FHOD3: variants seen among roughly 807,000 people sequenced by gnomAD.
FHOD3 encodes formin homology 2 domain containing 3.
FHOD3 carries 90 observed loss-of-function variants against 173.0 expected under a neutral mutation model. That is an observed-to-expected ratio of 0.52 (90% confidence interval 0.44 to 0.62). The LOEUF is 0.62. Among genes scored for constraint, FHOD3 ranks in the 20% least tolerant of loss-of-function variants. The pLI is 0.00. For missense variants in FHOD3, 1,945 were observed against 2,034.7 expected (o/e 0.96, Z 0.85); for synonymous variants, 828 against 823.0 (o/e 1.01, Z -0.10).
At chr18:36,501,139 T>C (rs987475976) in intron 3 of FHOD3, among the ~76,000 whole-genome samples, 1 of 152,182 alleles carries the variant, frequency 6.6e-6, no homozygotes, top group Non-Finnish European at 1.5e-5. Flanking sequence ...ATATTTGAAA[T>C]GTGACTGCTC....
intron 5 of FHOD3, among the ~76,000 whole-genome samples, chr18:36,550,724 C>T (rs567550814): frequency 6.6e-6 from 1 of 151,590 alleles, no homozygotes; most frequent in Non-Finnish European, 1.5e-5. Flanking sequence ...TTTCAAATTG[C>T]TCATTTGTAT....
At chr18:36,478,564 C>T (rs1012310170) in intron 3 of FHOD3, among the ~76,000 whole-genome samples, 2 of 152,116 alleles carry the variant, frequency 1.3e-5, no homozygotes, top group East Asian at 1.9e-4. Flanking sequence ...CCAATGTAGC[C>T]TCTTCTTAAA....
chr18:36,739,654 G>A (rs2041810164), intron 20 of FHOD3, among the ~76,000 whole-genome samples: 2 of 152,118 alleles, frequency 1.3e-5, no homozygotes, highest in South Asian at 2.1e-4. Context: ...GCTTTCATCA[G>A]CATTTTCTAG....
At chr18:36,557,324 A>T (rs952245477) in intron 5 of FHOD3, among the ~76,000 whole-genome samples, 8 of 151,284 alleles carry the variant, frequency 5.3e-5, no homozygotes, top group East Asian at 1.9e-4. Context: ...TTTATTTTAA[A>T]TTTTTTTTTA....
rs59233060 is a variant in FHOD3 at position 36,560,207 on chromosome 18, G to A, written c.512-16244G>A. Among the ~76,000 whole-genome samples, 771 of 152,280 alleles carry A rather than the reference G, an allele frequency of 5.1e-3. 10 individuals carry two copies. The highest frequency in any genetic ancestry group is 0.018 in the African/African-American group (743 of 41,548). On this transcript the variant is annotated intron_variant, in intron 5 of 28. Coordinates refer to ENST00000590592, the MANE Select transcript of FHOD3 (RefSeq NM_001281740.3). Reference sequence around the variant, plus strand: ...AAGCTGTTCACTGCTGCTCCTTTCTGTCTGAGGGTAGTTAGTCTGGGCCTT... The same window carrying A: ...AAGCTGTTCACTGCTGCTCCTTTCTATCTGAGGGTAGTTAGTCTGGGCCTT...
At chr18:36,504,072 C>G (rs1258600207) in intron 4 of FHOD3, among the ~76,000 whole-genome samples, 3 of 152,160 alleles carry the variant, frequency 2.0e-5, no homozygotes, top group Non-Finnish European at 4.4e-5. Context: ...AGGCATCCAC[C>G]ACCACGCTTG....
At chr18:36,614,499 C>T (rs1057196533) in intron 9 of FHOD3, among the ~76,000 whole-genome samples, 1 of 152,180 alleles carries the variant, frequency 6.6e-6, no homozygotes, top group Non-Finnish European at 1.5e-5. Flanking sequence ...GTTTTCAGTT[C>T]TCTTGGGTTT....
At chr18:36,680,796 GT>G (rs887964879) in intron 14 of FHOD3, among the ~76,000 whole-genome samples, 2 of 152,160 alleles carry the variant, frequency 1.3e-5, no homozygotes, top group African/African-American at 2.4e-5. Flanking sequence ...CCCATTGCAA[GT>G]TTTTTTGTCC....
chr18:36,621,850 A>G (rs1401628105), intron 9 of FHOD3, among the ~76,000 whole-genome samples: 1 of 152,226 alleles, frequency 6.6e-6, no homozygotes, highest in Non-Finnish European at 1.5e-5. Flanking sequence ...ATTCATCAAA[A>G]AGAATTGAAA....
chr18:36,665,085 C>T (rs576346254), intron 14 of FHOD3, among the ~76,000 whole-genome samples: 1 of 152,098 alleles, frequency 6.6e-6, no homozygotes, highest in African/African-American at 2.4e-5. Flanking sequence ...AGAGTGAGAC[C>T]CTGTCTCAAA....
intron 17 of FHOD3, among the ~76,000 whole-genome samples, chr18:36,708,745 G>C (rs1039932865): frequency 4.6e-5 from 7 of 152,194 alleles, no homozygotes; most frequent in Admixed American, 4.6e-4. Flanking sequence ...TGCATTCCCT[G>C]TCAAGCAGCA....
chr18:36,449,559 C>G (rs1042350475), intron 3 of FHOD3, among the ~76,000 whole-genome samples: 3 of 152,172 alleles, frequency 2.0e-5, no homozygotes, highest in African/African-American at 4.8e-5. Flanking sequence ...CACTTTTACT[C>G]ACTTCTTCCC....
intron 5 of FHOD3, among the ~76,000 whole-genome samples, chr18:36,545,902 C>T (rs1340506559): frequency 6.6e-6 from 1 of 152,182 alleles, no homozygotes; most frequent in Non-Finnish European, 1.5e-5. Context: ...CTTATACCCC[C>T]ACAACTATCA....
chr18:36,696,125 C>A (rs558055296), intron 17 of FHOD3, among the ~76,000 whole-genome samples: 1 of 152,238 alleles, frequency 6.6e-6, no homozygotes, highest in South Asian at 2.1e-4. Flanking sequence ...ATGTTATTAT[C>A]CATGTTTTAC....
At chr18:36,497,950 C>T (rs11081950) in intron 3 of FHOD3, among the ~76,000 whole-genome samples, 7,959 of 152,042 alleles carry the variant, frequency 0.052, 435 homozygotes, top group East Asian at 0.28. Context: ...AGCCATATTC[C>T]GGGCCATAAA....
At chr18:36,498,807 A>C (rs2145960456) in intron 3 of FHOD3, among the ~76,000 whole-genome samples, 1 of 152,328 alleles carries the variant, frequency 6.6e-6, no homozygotes, top group East Asian at 1.9e-4. Flanking sequence ...ATTTTCAACA[A>C]AATATTAGCA....
At chr18:36,438,571 A>G (rs571766752) in intron 3 of FHOD3, among the ~76,000 whole-genome samples, 49 of 152,234 alleles carry the variant, frequency 3.2e-4, no homozygotes, top group Admixed American at 1.1e-3. Context: ...CAAACTCAGC[A>G]TGACCACTGT....
rs57694311 is a variant in FHOD3 at position 36,743,308 on chromosome 18, CAAAAAAAA to C, written c.3879+473_3879+480del. Among the ~76,000 whole-genome samples the C allele has an allele frequency of 2.9e-4, 19 of 65,896 alleles. No individual in the cohort carries two copies. The East Asian group carries it at 5.1e-3, about 18-fold the overall frequency. The allele number at this position is 65,896 out of a possible 152,430, so 43.2% of individuals were successfully genotyped here. ...TGGGTGACAGAGCAAGACTCTGTCTCAAAAAAAAAAAAAAAAAAAAAAAAAAAAGATAT... is the reference window on the plus strand; with the variant it reads ...TGGGTGACAGAGCAAGACTCTGTCTCAAAAAAAAAAAAAAAAAAAAGATAT... On this transcript the variant is annotated intron_variant, in intron 22 of 28. Transcript: ENST00000590592.
chr18:36,528,748 GA>G lies in FHOD3; in HGVS notation c.511+16207del, dbSNP rs1352260215. On this transcript the variant is annotated intron_variant, in intron 5 of 28. Coordinates refer to ENST00000590592, the MANE Select transcript of FHOD3 (RefSeq NM_001281740.3). ...TAATCTTCTTATGGCATTAAAAGAA[GA>G]ACATGGTTGTTAGATCATGCCTTGA... Among the ~76,000 whole-genome samples, 4 of 152,352 alleles carry G rather than the reference GA, an allele frequency of 2.6e-5. No homozygotes were observed. The East Asian group carries it at 7.7e-4, about 29-fold the overall frequency.
Sources: gnomAD v4.1 joint callset for allele counts (sites outside exome capture counted in the v4.1 genomes callset) on GRCh38, gnomAD v4.1.1 for gene constraint, MANE v1.5 for transcripts, NCBI Gene and HGNC (gene_info 2026-07-23, HGNC 2026-07-21) for gene names.